The following MAP4K3 variants were observed in gnomAD, a reference collection of about 807,000 sequenced individuals.
MAP4K3 encodes the protein mitogen-activated protein kinase kinase kinase kinase 3, also known as MAPK/ERK kinase kinase kinase 3.
A neutral mutation model predicts 143.5 loss-of-function variants in MAP4K3; 94 were observed. That is an observed-to-expected ratio of 0.65 (90% CI 0.55 to 0.78). MAP4K3 has a LOEUF of 0.78. MAP4K3 is among the 30% of genes least tolerant of loss of function. The probability of loss-of-function intolerance (pLI) is 0.00; values close to 1 mark genes in which losing one functional copy is unlikely to be tolerated. For synonymous variants in MAP4K3, 416 were observed against 347.2 expected, an observed-to-expected ratio of 1.20 and a Z score of -2.20; for missense variants, 1,077 against 1,068.1, an observed-to-expected ratio of 1.01 and a Z score of -0.12.
In MAP4K3 at chr2:39,403,682, G is replaced by A. The variant is rs933314541; in HGVS notation, c.97-25559C>T. 3.4e-4 allele frequency among the ~76,000 whole-genome samples: 51 copies of A among 151,910 alleles called. 1 individual carries two copies. The highest frequency in any genetic ancestry group is 1.2e-4 in the Non-Finnish European group (8 of 67,990). The stretch of plus-strand genomic sequence containing the variant: ...AGGCCACAAGGACTGCAACTCTTAG[G>A]CAAAGTCGTAGGGCTGAGTGGGGCT... On this transcript the variant is annotated intron_variant, in intron 1 of 33. Coordinates refer to ENST00000263881, the MANE Select transcript of MAP4K3 (RefSeq NM_003618.4).
At chr2:39,382,231 C>T (rs1666372428) in intron 1 of MAP4K3, among the ~76,000 whole-genome samples, 1 of 152,156 alleles carries the variant, frequency 6.6e-6, no homozygotes. Flanking sequence ...ACAACATATT[C>T]AAGCAGCAAT....
intron 2 of MAP4K3, among the ~76,000 whole-genome samples, chr2:39,366,645 T>C (rs2148565753): frequency 6.6e-6 from 1 of 152,326 alleles, no homozygotes; most frequent in Middle Eastern, 3.4e-3. Flanking sequence ...GGGGTTCGTT[T>C]AGATGGTTGG....
intron 1 of MAP4K3, among the ~76,000 whole-genome samples, chr2:39,395,923 T>A (rs1295047824): frequency 6.6e-6 from 1 of 150,964 alleles, no homozygotes; most frequent in African/African-American, 2.5e-5. Context: ...CTAGAGCTGT[T>A]AAAAAGTTCA....
At chr2:39,431,946 A>G (rs1167920667) in intron 1 of MAP4K3, among the ~76,000 whole-genome samples, 3 of 152,156 alleles carry the variant, frequency 2.0e-5, no homozygotes, top group African/African-American at 7.2e-5. Context: ...GCTGTGCTAC[A>G]GAGGTCGGTT....
At chr2:39,251,740 A>G in intron 33 of MAP4K3, 90 bp downstream of exon 33, 2 of 1,072,746 alleles carry the variant, frequency 1.9e-6, no homozygotes, top group African/African-American at 1.6e-5. Context: ...TATTGCAGAC[A>G]TTTCAATTCT....
At chr2:39,335,266 C>T (rs1446103433) in intron 6 of MAP4K3, among the ~76,000 whole-genome samples, 11 of 151,972 alleles carry the variant, frequency 7.2e-5, no homozygotes, top group Admixed American at 5.9e-4. Flanking sequence ...TTGAAAAGGT[C>T]CCTTTGGTCG....
At chr2:39,347,170 G>T (rs1245254628) in intron 3 of MAP4K3, among the ~76,000 whole-genome samples, 1 of 152,194 alleles carries the variant, frequency 6.6e-6, no homozygotes, top group East Asian at 1.9e-4. Context: ...GACAGCTACT[G>T]GAATACGAGC....
intron 1 of MAP4K3, among the ~76,000 whole-genome samples, chr2:39,383,543 T>C (rs539000960): frequency 6.6e-6 from 1 of 152,108 alleles, no homozygotes; most frequent in Admixed American, 6.5e-5. Context: ...AACCAATTCA[T>C]AGGAAAACTA....
intron 1 of MAP4K3, among the ~76,000 whole-genome samples, chr2:39,381,973 C>T (rs935320651): frequency 6.6e-6 from 1 of 152,154 alleles, no homozygotes; most frequent in African/African-American, 2.4e-5. Flanking sequence ...TCTGGGTAAC[C>T]TTTCTAAAAT....
chr2:39,414,229 T>G (rs1436073737), intron 1 of MAP4K3, among the ~76,000 whole-genome samples: 1 of 152,150 alleles, frequency 6.6e-6, no homozygotes, highest in Non-Finnish European at 1.5e-5. Flanking sequence ...GCACCAATCT[T>G]CTCTGAAGAT....
intron 1 of MAP4K3, among the ~76,000 whole-genome samples, chr2:39,408,359 G>C (rs1049534080): frequency 2.0e-5 from 3 of 152,104 alleles, no homozygotes; most frequent in Admixed American, 1.3e-4. Context: ...TCAGCATCTA[G>C]ATCAGGGGGT....
intron 12 of MAP4K3, among the ~76,000 whole-genome samples, chr2:39,322,836 A>C (rs1286056069): frequency 2.6e-5 from 4 of 151,758 alleles, no homozygotes; most frequent in Non-Finnish European, 4.4e-5. Flanking sequence ...TGCCCGGCTA[A>C]TTTTTGTATT....
rs1388854176 is a variant in MAP4K3, at chr2:39,254,459, T to A, written c.2532A>T (p.Arg844Ser). ...GACATAATTTACTTACCTCATTAGATCTAAAACTTCTACCTTGCATTCCAT... is the reference window on the plus strand; with the variant it reads ...GACATAATTTACTTACCTCATTAGAACTAAAACTTCTACCTTGCATTCCAT... ...WKHGMQGRSF[R>S]SNEVTQEISD... The change falls in exon 32 of 34, where the codon AGA becomes AGT. Residue 844 changes from arginine to serine, a missense_variant. Physicochemically the swap from Arg to Ser is moderately radical, Grantham distance 110 (BLOSUM62 -1). This residue lies in a region of MAP4K3 where 864 missense variants were observed against 801.2 expected (regional missense o/e 1.08). Coordinates refer to ENST00000263881, the MANE Select transcript of MAP4K3 (RefSeq NM_003618.4). The A allele has an allele frequency of 7.4e-6, 12 of 1,613,622 alleles. 1 individual carries two copies. The South Asian group carries it at 1.2e-4, about 16-fold the overall frequency.
Position 39,318,818 on chromosome 2 carries a change from A to C in MAP4K3, c.919-3430T>G, listed in dbSNP as rs1170534724. ...ATTATTGTTATCATCAAATAATATA[A>C]ATACAAATAACAGGCCCTTTGCAAT... On this transcript the variant is annotated intron_variant, in intron 12 of 33. Transcript: ENST00000263881. Among the ~76,000 whole-genome samples, 3 of 152,328 alleles carry C rather than the reference A, an allele frequency of 2.0e-5. No individual in the cohort carries two copies. The East Asian group carries it at 5.8e-4, about 29-fold the overall frequency.
chr2:39,289,075 A>C (rs1681920039), intron 19 of MAP4K3, among the ~76,000 whole-genome samples: 1 of 152,170 alleles, frequency 6.6e-6, no homozygotes, highest in Non-Finnish European at 1.5e-5. Flanking sequence ...ACAAAAAAAC[A>C]AAAAACGTTA....
chr2:39,304,409 T>C (rs1395181605), intron 15 of MAP4K3, among the ~76,000 whole-genome samples: 1 of 152,250 alleles, frequency 6.6e-6, no homozygotes, highest in Non-Finnish European at 1.5e-5. Context: ...CTCAGGCTTT[T>C]AGTGGCCAGC....
chr2:39,397,384 C>A (rs941774767), intron 1 of MAP4K3, among the ~76,000 whole-genome samples: 2 of 152,056 alleles, frequency 1.3e-5, no homozygotes, highest in African/African-American at 4.8e-5. Context: ...GACTTCATTT[C>A]CAATAGCAAC....
At chr2:39,349,322 T>C (rs180968640) in intron 3 of MAP4K3, among the ~76,000 whole-genome samples, 2 of 152,340 alleles carry the variant, frequency 1.3e-5, no homozygotes, top group East Asian at 3.9e-4. Context: ...AATTTATTTA[T>C]AGGTAACCTA....
At position 39,333,592 on chromosome 2, in the gene MAP4K3, TTTAG is replaced by T. The variant is rs1558651857; in HGVS notation, c.415-22_415-19del. 2.0e-6 allele frequency: 3 copies of T among 1,517,910 alleles called. No homozygotes were observed. Among genetic ancestry groups the T allele is most frequent in the Non-Finnish European group, 2.7e-6 (3 of 1,095,698 alleles). 94.0% of individuals were successfully genotyped at this position (1,517,910 alleles called of 1,614,324 possible). On this transcript the variant is annotated intron_variant, in intron 6 of 33. Coordinates refer to ENST00000263881, the MANE Select transcript of MAP4K3 (RefSeq NM_003618.4). ...TTAGCTCCCTTCAAAGTAACAATAT[TTTAG>T]TTAGAGTAGGAAATAGATATTTTAT...
Sources: allele counts gnomAD v4.1 joint callset (sites outside exome capture counted in the v4.1 genomes callset), GRCh38; gene constraint gnomAD v4.1.1; regional missense constraint gnomAD v4.1.1; transcripts MANE v1.5; gene names NCBI Gene and HGNC (gene_info 2026-07-23, HGNC 2026-07-21).